Variants in KDM4C observed in about 807,000 individuals in gnomAD.
KDM4C encodes lysine-specific demethylase 4C.
Under a neutral mutation model 129.3 loss-of-function variants are expected in KDM4C, and 81 were observed. That is an observed-to-expected ratio of 0.63 (90% CI 0.52 to 0.75). The LOEUF (loss-of-function observed/expected upper bound fraction) is 0.75. Among genes scored for constraint, KDM4C ranks in the 30% least tolerant of loss-of-function variants. KDM4C has a pLI of 0.00. For synonymous variants in KDM4C, 573 were observed against 456.1 expected (o/e 1.26, Z -3.26); for missense variants, 1,457 against 1,304.0 (o/e 1.12, Z -1.81).
At chr9:7,099,092 G>C (rs933254316) in intron 17 of KDM4C, among the ~76,000 whole-genome samples, 1 of 152,080 alleles carries the variant, frequency 6.6e-6, no homozygotes, top group African/African-American at 2.4e-5. Flanking sequence ...GGCAAAAGGA[G>C]AAAGAAATTA....
chr9:6,865,122 C>A (rs1254322256), intron 5 of KDM4C, among the ~76,000 whole-genome samples: 4 of 151,456 alleles, frequency 2.6e-5, no homozygotes, highest in African/African-American at 9.7e-5. Flanking sequence ...AATTCTCCTG[C>A]TTCAGCCTCC....
chr9:6,845,699 G>A (rs1837740540), intron 4 of KDM4C, among the ~76,000 whole-genome samples: 1 of 152,194 alleles, frequency 6.6e-6, no homozygotes, highest in African/African-American at 2.4e-5. Flanking sequence ...GGCTCCAACT[G>A]GGTAATTGGC....
At chr9:7,040,299 T>C (rs569424125) in intron 15 of KDM4C, among the ~76,000 whole-genome samples, 94 of 151,408 alleles carry the variant, frequency 6.2e-4, no homozygotes, top group African/African-American at 2.1e-3. Flanking sequence ...TTCCCTTTCC[T>C]TCCCTCCCTC....
chr9:7,098,458 G>T (rs189333832), intron 17 of KDM4C, among the ~76,000 whole-genome samples: 131 of 152,308 alleles, frequency 8.6e-4, no homozygotes, highest in African/African-American at 3.1e-3. Flanking sequence ...TCTGAACTTG[G>T]AGTGCATAAG....
chr9:7,100,435 G>A (rs191340415), intron 17 of KDM4C, among the ~76,000 whole-genome samples: 2 of 152,216 alleles, frequency 1.3e-5, no homozygotes, highest in African/African-American at 2.4e-5. Context: ...TGCCTCCTGG[G>A]TTCAAGCGAC....
chr9:6,983,599 C>G (rs1045652832), intron 9 of KDM4C, among the ~76,000 whole-genome samples: 156 of 151,784 alleles, frequency 1.0e-3, no homozygotes, highest in African/African-American at 3.7e-3. Flanking sequence ...CACACACACA[C>G]ACACACACAC....
At chr9:7,051,249 G>A (rs1405790649) in intron 17 of KDM4C, among the ~76,000 whole-genome samples, 1 of 152,134 alleles carries the variant, frequency 6.6e-6, no homozygotes, top group Non-Finnish European at 1.5e-5. Context: ...GGGGAAGAAT[G>A]TCTAAGTTTG....
intron 11 of KDM4C, chr9:6,986,979 T>A (rs1817834388): frequency 7.9e-6 from 2 of 252,622 alleles, no homozygotes; most frequent in Non-Finnish European, 1.5e-5. Flanking sequence ...TAGTGCACAG[T>A]GATTCTTTGT....
At chr9:6,922,640 G>A (rs1025332227) in intron 8 of KDM4C, among the ~76,000 whole-genome samples, 3 of 152,218 alleles carry the variant, frequency 2.0e-5, no homozygotes, top group African/African-American at 7.2e-5. Context: ...TCATCTACCT[G>A]GGAGACTGAG....
chr9:7,019,790 T>TATA (rs1200204003), intron 15 of KDM4C, among the ~76,000 whole-genome samples: 6 of 72,280 alleles, frequency 8.3e-5, no homozygotes, highest in Non-Finnish European at 1.3e-4. Context: ...ATAAAAATAT[T>TATA]TTAGAAGCAA....
intron 4 of KDM4C, among the ~76,000 whole-genome samples, chr9:6,845,582 A>G (rs896828079): frequency 7.9e-5 from 12 of 152,182 alleles, no homozygotes; most frequent in Admixed American, 7.9e-4. Context: ...TTGAAAGGGA[A>G]TATCCCTAAT....
rs143319827 is a variant in KDM4C at position 7,148,256 on chromosome 9, T to C, written c.2782-16982T>C. On this transcript the variant is annotated intron_variant, in intron 19 of 21. Coordinates refer to ENST00000381309, the MANE Select transcript of KDM4C (RefSeq NM_015061.6). ...GTTACAGTGTGTTACAGCCCTGGCT[T>C]GGGGAACCTGAAGGTCTGGGCTCCC... 9.0e-3 allele frequency among the ~76,000 whole-genome samples: 1,372 copies of C among 152,316 alleles called. 8 individuals are homozygous for C. The highest frequency in any genetic ancestry group is 0.017 in the Middle Eastern group (5 of 294).
At chr9:6,805,494 A>C in intron 2 of KDM4C, 105 bp from the exon 3 acceptor site, 7 of 645,158 alleles carry the variant, frequency 1.1e-5, no homozygotes, top group Non-Finnish European at 1.7e-5. Flanking sequence ...CATTTGTCAT[A>C]GAGATACTGA....
chr9:7,022,322 A>C (rs1054802863), intron 15 of KDM4C, among the ~76,000 whole-genome samples: 1 of 151,934 alleles, frequency 6.6e-6, no homozygotes, highest in African/African-American at 2.4e-5. Context: ...TTCCTCTTCA[A>C]TTTTTTGCAT....
chr9:6,916,484 G>C (rs139645480), intron 8 of KDM4C, among the ~76,000 whole-genome samples: 72 of 152,004 alleles, frequency 4.7e-4, no homozygotes, highest in African/African-American at 1.3e-3. Flanking sequence ...GTGTTGCCCT[G>C]GCTGGTCTCA....
chr9:6,973,619 A>G (rs1832384534), intron 8 of KDM4C, among the ~76,000 whole-genome samples: 2 of 152,278 alleles, frequency 1.3e-5, no homozygotes, highest in Admixed American at 1.3e-4. Context: ...TTATTTGAAA[A>G]TTGTTATTTT....
At chr9:6,994,106 T>C (rs1819260409) in intron 12 of KDM4C, among the ~76,000 whole-genome samples, 1 of 152,008 alleles carries the variant, frequency 6.6e-6, no homozygotes, top group Non-Finnish European at 1.5e-5. Flanking sequence ...TCATAGGGAG[T>C]GTGCAACCTA....
rs187980578 is a variant in KDM4C, at chr9:7,142,988, A to T, written c.2781+14752A>T. On this transcript the variant is annotated intron_variant, in intron 19 of 21. Transcript: ENST00000381309. ...GTTACTGTTAATTGGATGATGTTTA[A>T]AGTTTGCAAGCAGGCCCATCTCCTT... Among the ~76,000 whole-genome samples, 111 of 152,240 alleles carry T rather than the reference A, an allele frequency of 7.3e-4. 1 individual carries two copies. In the Middle Eastern group the frequency reaches 0.01, roughly 14 times the overall value.
intron 12 of KDM4C, among the ~76,000 whole-genome samples, chr9:7,003,122 T>G (rs1821037015): frequency 6.6e-6 from 1 of 152,164 alleles, no homozygotes; most frequent in African/African-American, 2.4e-5. Context: ...TGCCTCGCCC[T>G]CCCAAAGTGC....
Sources: allele counts gnomAD v4.1 joint callset (sites outside exome capture counted in the v4.1 genomes callset), GRCh38; gene constraint gnomAD v4.1.1; transcripts MANE v1.5; gene names NCBI Gene and HGNC (gene_info 2026-07-23, HGNC 2026-07-21).